The following MAPK10 variants were observed in gnomAD, a reference collection of about 807,000 sequenced individuals.
MAPK10 encodes JNK3 alpha protein kinase.
Under a neutral mutation model 59.3 loss-of-function variants are expected in MAPK10, and 25 were observed. The ratio of observed to expected loss-of-function variants is 0.42; its 90% CI spans 0.31 to 0.59. The LOEUF (loss-of-function observed/expected upper bound fraction) is 0.59, where lower values mean the gene tolerates loss of function less well. Among genes scored for constraint, MAPK10 ranks in the 20% least tolerant of loss-of-function variants. MAPK10 has a pLI of 0.15. For synonymous variants in MAPK10, 190 were observed against 200.5 expected (o/e 0.95, Z 0.44); for missense variants, 351 against 568.9 (o/e 0.62, Z 3.90).
intron 2 of MAPK10, among the ~76,000 whole-genome samples, chr4:86,259,936 T>C (rs1470112357): frequency 6.6e-6 from 1 of 152,054 alleles, no homozygotes; most frequent in Non-Finnish European, 1.5e-5. Flanking sequence ...AAATAAATAT[T>C]ACATATACAA....
intron 13 of MAPK10, among the ~76,000 whole-genome samples, chr4:86,019,385 T>C (rs1014119227): frequency 1.1e-4 from 16 of 152,330 alleles, no homozygotes; most frequent in African/African-American, 3.4e-4. Flanking sequence ...CCTCCTGTTA[T>C]TGTCTTTCTG....
chr4:86,311,565 C>T (rs1578072106), intron 2 of MAPK10, among the ~76,000 whole-genome samples: 2 of 152,054 alleles, frequency 1.3e-5, no homozygotes, highest in East Asian at 3.9e-4. Flanking sequence ...TTCTAACTCT[C>T]CCTTTGCAGA....
intron 4 of MAPK10, among the ~76,000 whole-genome samples, chr4:86,110,575 A>G (rs138732314): frequency 5.1e-4 from 77 of 152,130 alleles, no homozygotes; most frequent in Non-Finnish European, 8.2e-4. Context: ...ATTCTGTTCC[A>G]TTGGTCTATG....
At chr4:86,091,567 C>CTTTTTTTTTTTT (rs1580087559) in intron 9 of MAPK10, 1 of 59,362 alleles carries the variant, frequency 1.7e-5, no homozygotes, top group African/African-American at 6.6e-5. Context: ...TTTTTTTTTG[C>CTTTTTTTTTTTT]TGTTCTTCAC....
intron 2 of MAPK10, among the ~76,000 whole-genome samples, chr4:86,223,825 G>T (rs762369162): frequency 6.6e-6 from 1 of 152,124 alleles, no homozygotes; most frequent in African/African-American, 2.4e-5. Flanking sequence ...AATCCCAAGC[G>T]AGTCTCTTTT....
At chr4:86,381,661 T>C (rs559315295) in intron 1 of MAPK10, among the ~76,000 whole-genome samples, 8 of 152,296 alleles carry the variant, frequency 5.3e-5, no homozygotes, top group Admixed American at 1.3e-4. Flanking sequence ...GCTCCGCTTG[T>C]GGAGTCCCCA....
At chr4:86,446,769 C>T (rs1750100732) in intron 1 of MAPK10, among the ~76,000 whole-genome samples, 2 of 152,114 alleles carry the variant, frequency 1.3e-5, no homozygotes, top group South Asian at 2.1e-4. Context: ...GTGTGAAATG[C>T]TGTGTCTCAT....
At chr4:86,397,011 T>C (rs1007223182) in intron 1 of MAPK10, among the ~76,000 whole-genome samples, 4 of 152,146 alleles carry the variant, frequency 2.6e-5, no homozygotes, top group African/African-American at 9.7e-5. Flanking sequence ...GAAATTAAAA[T>C]TACATATGTG....
At chr4:86,275,944 T>A (rs1012484039) in intron 2 of MAPK10, among the ~76,000 whole-genome samples, 1 of 152,116 alleles carries the variant, frequency 6.6e-6, no homozygotes, top group Non-Finnish European at 1.5e-5. Context: ...TATAAGGCTG[T>A]ACATGAATAG....
intron 1 of MAPK10, among the ~76,000 whole-genome samples, chr4:86,372,572 A>AAAGGAAG (rs1564749756): frequency 9.6e-6 from 1 of 103,964 alleles, no homozygotes; most frequent in African/African-American, 3.6e-5. Flanking sequence ...AAGAAAGAAA[A>AAAGGAAG]GAAAAGAAAA....
At chr4:86,486,924 A>G (rs1005193688) in intron 1 of MAPK10, among the ~76,000 whole-genome samples, 7 of 152,240 alleles carry the variant, frequency 4.6e-5, no homozygotes, top group Admixed American at 4.6e-4. Context: ...CTGATGTCTT[A>G]TGCAGCAAGA....
chr4:86,099,805 A>G (rs1041103711), intron 8 of MAPK10: 2 of 152,224 alleles, frequency 1.3e-5, no homozygotes, highest in Non-Finnish European at 2.9e-5. Flanking sequence ...CTTTTTAAAA[A>G]TAACTCGTGA....
At chr4:86,157,877 C>T (rs1268571772) in intron 4 of MAPK10, among the ~76,000 whole-genome samples, 1 of 151,976 alleles carries the variant, frequency 6.6e-6, no homozygotes, top group Non-Finnish European at 1.5e-5. Context: ...TACTCAGTTT[C>T]ACTGCCACAA....
chr4:86,029,002 A>G, intron 13 of MAPK10, 195 bp downstream of exon 13: 1 of 665,782 alleles, frequency 1.5e-6, no homozygotes, highest in Non-Finnish European at 2.7e-6. Flanking sequence ...CTGGATCATT[A>G]CCATCAGAAT....
intron 4 of MAPK10, among the ~76,000 whole-genome samples, chr4:86,146,054 G>A (rs1206449409): frequency 6.6e-6 from 1 of 152,208 alleles, no homozygotes. Context: ...ATGGAGACCA[G>A]AGACTACTTG....
intron 1 of MAPK10, chr4:86,593,838 C>T (rs1427063718): frequency 6.6e-6 from 1 of 152,226 alleles, no homozygotes; most frequent in Non-Finnish European, 1.5e-5. Context: ...CTTTCAAAGA[C>T]CAAAGCGCCC....
intron 4 of MAPK10, among the ~76,000 whole-genome samples, chr4:86,114,630 C>T (rs928733349): frequency 6.6e-6 from 1 of 152,198 alleles, no homozygotes; most frequent in East Asian, 1.9e-4. Flanking sequence ...GTCTGGCAAC[C>T]CCTGTTGGGA....
chr4:86,405,152 G>C (rs993808454), intron 1 of MAPK10, among the ~76,000 whole-genome samples: 2 of 151,974 alleles, frequency 1.3e-5, no homozygotes, highest in African/African-American at 4.8e-5. Context: ...GTCTCCTCTA[G>C]GCCTTTCTTA....
At chr4:86,075,184 A>C (rs1183614839) in intron 9 of MAPK10, among the ~76,000 whole-genome samples, 1 of 152,118 alleles carries the variant, frequency 6.6e-6, no homozygotes, top group South Asian at 2.1e-4. Context: ...AGTTGATCGC[A>C]TCGGCTCCTG....
Sources: allele counts gnomAD v4.1 joint callset (sites outside exome capture counted in the v4.1 genomes callset), GRCh38; gene constraint gnomAD v4.1.1; transcripts MANE v1.5; gene names NCBI Gene and HGNC (gene_info 2026-07-23, HGNC 2026-07-21).